Variants in MROH9 observed in about 807,000 individuals in gnomAD.
MROH9 encodes the protein maestro heat-like repeat-containing protein family member 9.
MROH9 carries 92 observed loss-of-function variants against 98.2 expected under a neutral mutation model. The ratio of observed to expected loss-of-function variants is 0.94; its 90% CI spans 0.79 to 1.11. MROH9 has a LOEUF of 1.11. Among genes scored for constraint, MROH9 ranks in the 50% most tolerant of loss-of-function variants. The pLI, the probability that MROH9 is intolerant of heterozygous loss-of-function variation, is 0.00. For synonymous variants in MROH9, 397 were observed against 368.9 expected, an observed-to-expected ratio of 1.08 and a Z score of -0.87; for missense variants, 1,057 against 1,014.8, an observed-to-expected ratio of 1.04 and a Z score of -0.57.
intron 20 of MROH9, among the ~76,000 whole-genome samples, chr1:171,038,200 T>A (rs984487178): frequency 6.6e-6 from 1 of 151,892 alleles, no homozygotes; most frequent in Non-Finnish European, 1.5e-5. Flanking sequence ...TACTAACCCA[T>A]GAGAAAAAGT....
chr1:171,032,801 G>T (rs550032614), intron 20 of MROH9, among the ~76,000 whole-genome samples: 1 of 152,168 alleles, frequency 6.6e-6, no homozygotes. Flanking sequence ...TTGTCCCTTC[G>T]CAGAGGGGGT....
Position 170,992,181 on chromosome 1 carries a change from G to C in MROH9, c.1046G>C (p.Trp349Ser). 6.2e-7 allele frequency: 1 copy of C among 1,611,480 alleles called. No individual in the cohort carries two copies. The highest frequency in any genetic ancestry group is 8.5e-7 in the Non-Finnish European group (1 of 1,178,904). Residue 349 changes from tryptophan to serine, a missense_variant, in exon 12 of 22, where the codon TGG becomes TCG. Coordinates refer to ENST00000367759, the MANE Select transcript of MROH9 (RefSeq NM_001163629.2). The stretch of plus-strand genomic sequence containing the variant: ...GTTTGCAGCACTCTGATACAGATGT[G>C]GAAGGCGGCATGTTCTCAGGCGAGC... ...VPADDTLIQMWKAACSQASVA... is the reference protein window; with the variant it reads ...VPADDTLIQMSKAACSQASVA...
At chr1:170,955,762 G>C (rs890585519) in intron 3 of MROH9, among the ~76,000 whole-genome samples, 2 of 152,226 alleles carry the variant, frequency 1.3e-5, no homozygotes, top group South Asian at 4.1e-4. Flanking sequence ...CCACTCTGTG[G>C]GTTGTCTGTT....
chr1:170,965,159 C>A lies in MROH9; in HGVS notation c.384C>A (p.Leu128=). ...TTTTATGTTTCCAACAGGAAATGCT[C>A]GTGTGGATGAGTAAAGATAGCTCAT... ...LYKLQILKEM[L]VWMSKDSSYL... The change falls in exon 7 of 22, where the codon CTC becomes CTA. Residue 128 remains leucine, a synonymous_variant. Transcript: ENST00000367759. The A allele has an allele frequency of 6.2e-7, 1 of 1,605,426 alleles. No homozygotes were observed. The highest frequency in any genetic ancestry group is 8.5e-7 in the Non-Finnish European group (1 of 1,174,080).
intron 7 of MROH9, among the ~76,000 whole-genome samples, chr1:170,969,274 A>AAC (rs1221847993): frequency 3.3e-5 from 5 of 152,212 alleles, no homozygotes; most frequent in Non-Finnish European, 5.9e-5. Context: ...TACATGCTAC[A>AAC]ACATGCATAA....
In MROH9 at chr1:171,001,109, G is replaced by A. The variant is rs112859287; in HGVS notation, c.1596+2835G>A. Among the ~76,000 whole-genome samples, 758 of 152,084 alleles carry A rather than the reference G, an allele frequency of 5.0e-3. 1 individual carries two copies. The highest frequency in any genetic ancestry group is 8.1e-3 in the Non-Finnish European group (553 of 67,944). On this transcript the variant is annotated intron_variant, in intron 15 of 21. Transcript: ENST00000367759. The stretch of plus-strand genomic sequence containing the variant: ...TATCTCCTGTTTCATTTCTTAGTGA[G>A]ATTATTTGGATTTTCTGTCTTCTTT...
intron 20 of MROH9, among the ~76,000 whole-genome samples, chr1:171,054,339 G>A (rs1196525032): frequency 6.6e-6 from 1 of 152,156 alleles, no homozygotes; most frequent in Non-Finnish European, 1.5e-5. Context: ...GTAGAAGAAT[G>A]AAAAGTGGAT....
chr1:171,034,685 A>C (rs1653039340), intron 20 of MROH9, among the ~76,000 whole-genome samples: 1 of 152,220 alleles, frequency 6.6e-6, no homozygotes, highest in Non-Finnish European at 1.5e-5. Flanking sequence ...ATACTATCAG[A>C]TAATTTCATA....
chr1:171,049,606 G>A (rs553818616), intron 20 of MROH9, among the ~76,000 whole-genome samples: 13 of 151,886 alleles, frequency 8.6e-5, no homozygotes, highest in African/African-American at 2.9e-4. Context: ...TTCCTTGGCC[G>A]CTTACATGTC....
chr1:170,988,347 G>A (rs994713188), intron 10 of MROH9, among the ~76,000 whole-genome samples: 1 of 152,156 alleles, frequency 6.6e-6, no homozygotes, highest in African/African-American at 2.4e-5. Flanking sequence ...AACTCTCAAT[G>A]CTGCTGCAGA....
intron 8 of MROH9, among the ~76,000 whole-genome samples, chr1:170,977,291 A>G (rs1163148320): frequency 2.0e-5 from 3 of 152,162 alleles, no homozygotes; most frequent in African/African-American, 7.2e-5. Flanking sequence ...TATTTCAGCC[A>G]TCTGGAGGAC....
intron 6 of MROH9, among the ~76,000 whole-genome samples, chr1:170,964,949 T>C (rs757717389): frequency 5.3e-5 from 8 of 151,994 alleles, no homozygotes; most frequent in Non-Finnish European, 1.2e-4. Context: ...TAAAATAAAA[T>C]AAAACCCAGA....
intron 7 of MROH9, among the ~76,000 whole-genome samples, chr1:170,969,810 T>A (rs1650371346): frequency 6.6e-6 from 1 of 152,278 alleles, no homozygotes; most frequent in Non-Finnish European, 1.5e-5. Context: ...TATCTGCTTC[T>A]TTTTAGTACT....
rs1045008229 is a variant in MROH9, at chr1:170,983,739, T to C, written c.729+205T>C. Among the ~76,000 whole-genome samples the C allele has an allele frequency of 2.6e-5, 4 of 152,326 alleles. No homozygotes were observed. In the East Asian group the frequency reaches 7.7e-4, roughly 29 times the overall value. On this transcript the variant is annotated intron_variant, in intron 9 of 21. Coordinates refer to ENST00000367759, the MANE Select transcript of MROH9 (RefSeq NM_001163629.2). ...TAGTTATGCCTATTATTCCCAAATA[T>C]AGTAATTTGTATTACTTTACTTAAT... is the stretch of plus-strand genomic sequence containing the variant.
At chr1:170,994,344 CTAAG>C (rs1651474505) in intron 12 of MROH9, among the ~76,000 whole-genome samples, 1 of 152,064 alleles carries the variant, frequency 6.6e-6, no homozygotes, top group African/African-American at 2.4e-5. Flanking sequence ...GTTAGTATAC[CTAAG>C]TGTTTTATGT....
At chr1:170,973,365 A>G (rs537790716) in intron 8 of MROH9, among the ~76,000 whole-genome samples, 1 of 152,330 alleles carries the variant, frequency 6.6e-6, no homozygotes, top group South Asian at 2.1e-4. Flanking sequence ...ACCGAGGTAC[A>G]GTACTCAGAC....
intron 20 of MROH9, among the ~76,000 whole-genome samples, chr1:171,038,115 T>C (rs1201547764): frequency 6.6e-6 from 1 of 152,100 alleles, no homozygotes; most frequent in Non-Finnish European, 1.5e-5. Flanking sequence ...GCAAAACTAC[T>C]ATAAACAAAG....
At chr1:170,959,316 A>G in intron 4 of MROH9, 146 bp from the exon 5 acceptor site, 1 of 594,212 alleles carries the variant, frequency 1.7e-6, no homozygotes, top group Non-Finnish European at 2.6e-6. Flanking sequence ...TGGAGCTTGC[A>G]GTGAGCCGAG....
intron 20 of MROH9, among the ~76,000 whole-genome samples, chr1:171,050,921 T>C (rs1482524529): frequency 6.6e-6 from 1 of 152,204 alleles, no homozygotes; most frequent in Non-Finnish European, 1.5e-5. Flanking sequence ...TTGCGATGAT[T>C]ATTGTTTTTG....
Sources: gnomAD v4.1 joint callset for allele counts (sites outside exome capture counted in the v4.1 genomes callset) on GRCh38, gnomAD v4.1.1 for gene constraint, MANE v1.5 for transcripts, NCBI Gene and HGNC (gene_info 2026-07-23, HGNC 2026-07-21) for gene names.